The following RABL2A variants were observed in gnomAD, a reference collection of about 807,000 sequenced individuals.
RABL2A encodes the protein RAB, member of RAS oncogene family like 2A, also known as rab-like protein 2A.
Under a neutral mutation model 30.7 loss-of-function variants are expected in RABL2A, and 17 were observed. The observed-to-expected ratio is 0.55, with a 90% CI of 0.38 to 0.83. The LOEUF is 0.83. Among genes scored for constraint, RABL2A ranks in the 40% least tolerant of loss-of-function variants. The probability of loss-of-function intolerance (pLI) is 0.00; values close to 1 mark genes in which losing one functional copy is unlikely to be tolerated. For missense variants in RABL2A, 155 were observed against 272.6 expected (o/e 0.57, Z 3.04); for synonymous variants, 64 against 101.8 (o/e 0.63, Z 2.24).
intron 1 of RABL2A, 106 bp downstream of exon 1, chr2:113,627,506 G>A (rs1678513273): frequency 6.5e-6 from 1 of 153,764 alleles, no homozygotes; most frequent in South Asian, 2.1e-4. Context: ...GGGAAGCACG[G>A]AAAGGTGGCT....
In RABL2A at chr2:113,632,705, T is replaced by G. The variant is rs569358910; in HGVS notation, c.108-210T>G. ...AGAGCTTCACGTGGGCTGGTGTGTG[T>G]ACTCATAGTGACATGAGCTGTTTTG... is the stretch of plus-strand genomic sequence containing the variant. On this transcript the variant is annotated intron_variant, in intron 2 of 8. Coordinates refer to ENST00000683472, the MANE Select transcript of RABL2A (RefSeq NM_001306158.2). Among the ~76,000 whole-genome samples, 55 of 152,340 alleles carry G rather than the reference T, an allele frequency of 3.6e-4. 2 individuals are homozygous for G. In the South Asian group the frequency reaches 0.011, roughly 31 times the overall value.
chr2:113,637,973 C>T lies in RABL2A; in HGVS notation c.297+2843C>T, dbSNP rs1367679366. The T allele has an allele frequency of 1.1e-5, 11 of 985,406 alleles. No homozygotes were observed. In the South Asian group the frequency reaches 1.4e-4, roughly 13 times the overall value. 61.0% of individuals were successfully genotyped at this position (985,406 alleles called of 1,614,324 possible). A position where few individuals can be genotyped will look rare whatever the true frequency, so the allele number is the denominator to read the frequency against. On this transcript the variant is annotated intron_variant, in intron 5 of 8. Coordinates refer to ENST00000683472, the MANE Select transcript of RABL2A (RefSeq NM_001306158.2). ...AGAAAGCACTTGCCTTCTGACCACA[C>T]GGGGAGCTGAGGGTCAGAGACGGAA...
chr2:113,641,690 T>C, intron 7 of RABL2A, 91 bp from the exon 8 acceptor site: 2 of 605,864 alleles, frequency 3.3e-6, no homozygotes, highest in Non-Finnish European at 5.8e-6. Context: ...ATTTTAGGAA[T>C]GGAGTATTGT....
intron 2 of RABL2A, among the ~76,000 whole-genome samples, chr2:113,630,285 G>T (rs1679825356): frequency 6.6e-6 from 1 of 152,226 alleles, no homozygotes; most frequent in South Asian, 2.1e-4. Context: ...GAGGGAAGGT[G>T]AGTGCATGAG....
chr2:113,631,306 A>G (rs1680239072), intron 2 of RABL2A, among the ~76,000 whole-genome samples: 1 of 152,066 alleles, frequency 6.6e-6, no homozygotes, highest in Admixed American at 6.5e-5. Flanking sequence ...ATTACCGTTA[A>G]TGATTGCCTA....
chr2:113,638,025 C>T (rs1683607619), intron 5 of RABL2A: 1 of 985,288 alleles, frequency 1.0e-6, no homozygotes, highest in Non-Finnish European at 1.2e-6. Context: ...CACCTTGAAA[C>T]CTTGAGATGG....
chr2:113,638,934 T>C (rs981389389), intron 5 of RABL2A, among the ~76,000 whole-genome samples: 12 of 151,924 alleles, frequency 7.9e-5, no homozygotes, highest in African/African-American at 2.7e-4. Context: ...AAAAACAAAT[T>C]ATAAAGTAAT....
Position 113,634,186 on chromosome 2 carries a change from C to T in RABL2A, c.171C>T (p.Thr57=), listed in dbSNP as rs1178336457. Residue 57 remains threonine (T), a synonymous_variant, in exon 4 of 9, where the codon ACC becomes ACT. Coordinates refer to ENST00000683472, the MANE Select transcript of RABL2A (RefSeq NM_001306158.2). Reference sequence around the variant, plus strand: ...AGCAGCTGTCCACGTACGCCCTGACCCTGTACAAGCACACAGCCACGGTAG... The same window carrying T: ...AGCAGCTGTCCACGTACGCCCTGACTCTGTACAAGCACACAGCCACGGTAG... ...QPQQLSTYAL[T]LYKHTATVDG... is the part of the protein sequence containing the mutation. The T allele has an allele frequency of 6.2e-7, 1 of 1,612,722 alleles. No individual in the cohort carries two copies. Among genetic ancestry groups the T allele is most frequent in the African/African-American group, 1.3e-5 (1 of 74,896 alleles).
At chr2:113,630,775 C>G (rs1286136027) in intron 2 of RABL2A, among the ~76,000 whole-genome samples, 1 of 152,162 alleles carries the variant, frequency 6.6e-6, no homozygotes, top group Non-Finnish European at 1.5e-5. Flanking sequence ...AAGGCTTTTC[C>G]TTTGCTCCTG....
chr2:113,636,917 A>T, intron 5 of RABL2A, among the ~76,000 whole-genome samples: 1 of 151,812 alleles, frequency 6.6e-6, no homozygotes, highest in Non-Finnish European at 1.5e-5. Context: ...TGAACCCAGG[A>T]GGCGGAGCTT....
chr2:113,632,558 G>A (rs1360011984), intron 2 of RABL2A, among the ~76,000 whole-genome samples: 2 of 152,246 alleles, frequency 1.3e-5, no homozygotes, highest in African/African-American at 2.4e-5. Flanking sequence ...GAGCCACCGC[G>A]CCCGACCGGG....
intron 5 of RABL2A, chr2:113,637,998 A>T (rs1683598037): frequency 1.0e-6 from 1 of 985,202 alleles, no homozygotes; most frequent in South Asian, 4.7e-5. Flanking sequence ...CAGAGACGGA[A>T]CCAGGGCTCG....
At chr2:113,629,796 C>T (rs1001966488) in intron 2 of RABL2A, among the ~76,000 whole-genome samples, 6 of 152,124 alleles carry the variant, frequency 3.9e-5, no homozygotes, top group East Asian at 3.9e-4. Flanking sequence ...CCTCAGCCTC[C>T]GAAAGTGCTG....
rs1477888894 is a variant in RABL2A at position 113,632,827 on chromosome 2, T to G, written c.108-88T>G. On this transcript the variant is annotated intron_variant, in intron 2 of 8. Coordinates refer to ENST00000683472, the MANE Select transcript of RABL2A (RefSeq NM_001306158.2). ...AGGGGGAAGGGAAGCCACAGGTGGC[T>G]TCCAGGTTGTCAGCCTTAGGGTGAA... The G allele has an allele frequency of 2.5e-6, 4 of 1,604,186 alleles. No individual in the cohort carries two copies. In the Admixed American group the frequency reaches 5.0e-5, roughly 20 times the overall value.
intron 2 of RABL2A, among the ~76,000 whole-genome samples, chr2:113,632,546 G>A (rs1478387839): frequency 3.3e-5 from 5 of 152,256 alleles, no homozygotes; most frequent in African/African-American, 7.2e-5. Flanking sequence ...GATTACAGGC[G>A]TGAGCCACCG....
rs573873894 is a variant in RABL2A at position 113,643,317 on chromosome 2, T to C, written c.*1188T>C. On this transcript the variant is annotated 3_prime_UTR_variant, in exon 9 of 9. Transcript: ENST00000683472. ...TATGTTTTTATGATAATCTCGGGCA[T>C]TGTTTGCATTGTGTTTATTAATAGG... 4 of 348,446 alleles carry C rather than the reference T, an allele frequency of 1.1e-5. No individual in the cohort carries two copies. The highest frequency in any genetic ancestry group is 2.3e-5 in the Non-Finnish European group (4 of 177,396). The allele number at this position is 348,446 out of a possible 1,614,324, so 21.6% of individuals were successfully genotyped here.
At chr2:113,635,167 C>A (rs1682075521) in intron 5 of RABL2A, 37 bp downstream of exon 5, 1 of 1,611,690 alleles carries the variant, frequency 6.2e-7, no homozygotes, top group Non-Finnish European at 8.5e-7. Flanking sequence ...AGGCACTGGG[C>A]AAGTCTGGCC....
Position 113,640,881 on chromosome 2 carries a change from C to T in RABL2A, c.298-13C>T. 1 of 1,613,928 alleles carries T rather than the reference C, an allele frequency of 6.2e-7. No homozygotes were observed. Among genetic ancestry groups the T allele is most frequent in the Non-Finnish European group, 8.5e-7 (1 of 1,179,856 alleles). ...ACATACCTGAGCTATCTTTCTTCCT[C>T]TGCCCTTTGCAGGTGTTTGATATAC... is the stretch of plus-strand genomic sequence containing the variant. On this transcript the variant is annotated splice_polypyrimidine_tract_variant and intron_variant, in intron 5 of 8. Coordinates refer to ENST00000683472, the MANE Select transcript of RABL2A (RefSeq NM_001306158.2).
Position 113,641,775 on chromosome 2 carries a change from C to T in RABL2A, c.508-6C>T, listed in dbSNP as rs1192356424. ...CTCTCATCCACCATCTCTACCTCAC[C>T]CCCAGCTCTTCAATGATGCAATTCG... On this transcript the variant is annotated splice_polypyrimidine_tract_variant and splice_region_variant and intron_variant, in intron 7 of 8. Coordinates refer to ENST00000683472, the MANE Select transcript of RABL2A (RefSeq NM_001306158.2). 2.8e-6 allele frequency: 2 copies of T among 712,014 alleles called. No individual in the cohort carries two copies. The highest frequency in any genetic ancestry group is 4.7e-6 in the Non-Finnish European group (2 of 421,490). 44.1% of individuals were successfully genotyped at this position (712,014 alleles called of 1,614,324 possible).
Sources: allele counts gnomAD v4.1 joint callset (sites outside exome capture counted in the v4.1 genomes callset), GRCh38; gene constraint gnomAD v4.1.1; transcripts MANE v1.5; gene names NCBI Gene and HGNC (gene_info 2026-07-23, HGNC 2026-07-21).